Variants in INTS1 observed in about 807,000 individuals in gnomAD.
The protein encoded by INTS1 is integrator complex subunit 1.
INTS1 carries 137 observed loss-of-function variants against 241.6 expected under a neutral mutation model. That is an observed-to-expected ratio of 0.57 (90% confidence interval 0.49 to 0.65). The LOEUF is 0.65. Ranked by LOEUF, INTS1 falls within the 30% of genes least tolerant of loss-of-function variation. The pLI is 0.00. For synonymous variants in INTS1, 1,692 were observed against 1,337.8 expected (o/e 1.26, Z -5.78); for missense variants, 3,073 against 3,032.2 (o/e 1.01, Z -0.32).
In INTS1 at chr7:1,498,361, C is replaced by T. The variant is rs371447231; in HGVS notation, c.1425+51G>A. On this transcript the variant is annotated intron_variant, in intron 10 of 47. Coordinates refer to ENST00000404767, the MANE Select transcript of INTS1 (RefSeq NM_001080453.3). ...CCAGACGCCACGTGCCCCTCCAGCC[C>T]AGAGCCCCATATTCCGGCGTGGAGG... 5 of 1,605,688 alleles carry T rather than the reference C, an allele frequency of 3.1e-6. No homozygotes were observed. In the African/African-American group the frequency reaches 5.3e-5, roughly 17 times the overall value.
Position 1,471,095 on chromosome 7 carries a change from AGCGGTGGCGGCGGGACAGAGGCCG to A in INTS1, c.6347+14_6347+37del, listed in dbSNP as rs1260177632. ...GCGGTGACCTGGGTTAGCAGGGCCC[AGCGGTGGCGGCGGGACAGAGGCCG>A]GCGGTGGCCTCACCTGGGGCTGTTC... On this transcript the variant is annotated intron_variant, in intron 46 of 47. Coordinates refer to ENST00000404767, the MANE Select transcript of INTS1 (RefSeq NM_001080453.3). 6.5e-7 allele frequency: 1 copy of A among 1,539,092 alleles called. No individual in the cohort carries two copies. The highest frequency in any genetic ancestry group is 8.8e-7 in the Non-Finnish European group (1 of 1,137,812).
At chr7:1,486,382 G>A (rs1198740166) in intron 22 of INTS1, among the ~76,000 whole-genome samples, 1 of 151,664 alleles carries the variant, frequency 6.6e-6, no homozygotes, top group East Asian at 1.9e-4. Flanking sequence ...TCCTGCCTCA[G>A]CCTCCAGAGT....
chr7:1,470,402 C>T lies in INTS1; in HGVS notation c.*175G>A, dbSNP rs912916115. The T allele has an allele frequency of 4.9e-5, 26 of 529,284 alleles. No individual in the cohort carries two copies. Among genetic ancestry groups the T allele is most frequent in the African/African-American group, 8.0e-5 (4 of 49,944 alleles). 32.8% of individuals were successfully genotyped at this position (529,284 alleles called of 1,614,324 possible). A position where few individuals can be genotyped will look rare whatever the true frequency, so the allele number is the denominator to read the frequency against. The stretch of plus-strand genomic sequence containing the variant: ...CTGGACGGCCCCTGATGCCAGCGGC[C>T]GGCCCGGAGCCACCCCAGGGCTCGG... On this transcript the variant is annotated 3_prime_UTR_variant, in exon 48 of 48. Coordinates refer to ENST00000404767, the MANE Select transcript of INTS1 (RefSeq NM_001080453.3).
chr7:1,470,574 G>A lies in INTS1; in HGVS notation c.*3C>T. 1 of 1,551,368 alleles carries A rather than the reference G, an allele frequency of 6.4e-7. No homozygotes were observed. The highest frequency in any genetic ancestry group is 8.7e-7 in the Non-Finnish European group (1 of 1,148,252). ...GCTTGGAGGGGGGTCGGCTGCCACA[G>A]GCTCACATCACGGCCTCCATATGCA... On this transcript the variant is annotated 3_prime_UTR_variant, in exon 48 of 48. Transcript: ENST00000404767.
chr7:1,499,120 T>G lies in INTS1; in HGVS notation c.992A>C (p.Asp331Ala). ...CCGGTTCAGCTGGTCCCGCAGCATGTCCAGGACATACTCCTCCACGCTCTC... is the reference window on the plus strand; with the variant it reads ...CCGGTTCAGCTGGTCCCGCAGCATGGCCAGGACATACTCCTCCACGCTCTC... Reference protein sequence around the residue: ...LAESVEEYVLDMLRDQLNRRQ... With the variant: ...LAESVEEYVLAMLRDQLNRRQ... Residue 331 changes from aspartate (D) to alanine (A), a missense_variant, in exon 8 of 48, where the codon GAC becomes GCC. Coordinates refer to ENST00000404767, the MANE Select transcript of INTS1 (RefSeq NM_001080453.3). 2 of 1,611,682 alleles carry G rather than the reference T, an allele frequency of 1.2e-6. No individual in the cohort carries two copies. Among genetic ancestry groups the G allele is most frequent in the Non-Finnish European group, 8.5e-7 (1 of 1,179,636 alleles).
Position 1,471,648 on chromosome 7 carries a change from CAGAG to C in INTS1, c.6185-11_6185-8del, listed in dbSNP as rs60791229. On this transcript the variant is annotated splice_region_variant and splice_polypyrimidine_tract_variant and intron_variant, in intron 44 of 47. Coordinates refer to ENST00000404767, the MANE Select transcript of INTS1 (RefSeq NM_001080453.3). The stretch of plus-strand genomic sequence containing the variant: ...CTCAGAACCTCCAGCAGATCTGACA[CAGAG>C]AGAGGGCCAGACCAGAACTGAAGGG... The C allele has an allele frequency of 2.4e-3, 3,938 of 1,612,094 alleles. 93 individuals are homozygous for C. The African/African-American group carries it at 0.045, about 19-fold the overall frequency.
chr7:1,504,374 A>C lies in INTS1; in HGVS notation c.-93T>G. 1.2e-5 allele frequency: 6 copies of C among 482,846 alleles called. No individual in the cohort carries two copies. Among genetic ancestry groups the C allele is most frequent in the Non-Finnish European group, 2.0e-5 (5 of 245,980 alleles). The allele number at this position is 482,846 out of a possible 1,614,324, so 29.9% of individuals were successfully genotyped here. ...GCCGCCGCCACCCGGCCACCCCGGA[A>C]TCGGAAACCGATCTCACCGCCCTCG... On this transcript the variant is annotated 5_prime_UTR_variant, in exon 1 of 48. Coordinates refer to ENST00000404767, the MANE Select transcript of INTS1 (RefSeq NM_001080453.3).
chr7:1,492,325 G>A lies in INTS1; in HGVS notation c.2165+685C>T, dbSNP rs567253554. Among the ~76,000 whole-genome samples, 4 of 152,274 alleles carry A rather than the reference G, an allele frequency of 2.6e-5. No individual in the cohort carries two copies. In the South Asian group the frequency reaches 8.3e-4, roughly 32 times the overall value. ...GTGACCCCGGAAAGAGCATGCCCGG[G>A]GAAGGAGGCTGGTCACAAGATCATG... On this transcript the variant is annotated intron_variant, in intron 16 of 47. Coordinates refer to ENST00000404767, the MANE Select transcript of INTS1 (RefSeq NM_001080453.3).
In INTS1 at chr7:1,482,542, G is replaced by A. The variant is rs538881452; in HGVS notation, c.3703+4C>T. On this transcript the variant is annotated splice_donor_region_variant and intron_variant, in intron 27 of 47. Coordinates refer to ENST00000404767, the MANE Select transcript of INTS1 (RefSeq NM_001080453.3). Reference sequence around the variant, plus strand: ...CCCCTGCCCAAGCCCAGCCTGGACCGTACCGGCGTCCACCAGGCGGAGCAC... The same window carrying A: ...CCCCTGCCCAAGCCCAGCCTGGACCATACCGGCGTCCACCAGGCGGAGCAC... 3.4e-5 allele frequency: 55 copies of A among 1,604,894 alleles called. 1 individual carries two copies. Among genetic ancestry groups the A allele is most frequent in the African/African-American group, 3.2e-4 (24 of 74,878 alleles).
chr7:1,476,978 A>G lies in INTS1; in HGVS notation c.4939-60T>C, dbSNP rs2128534046. The stretch of plus-strand genomic sequence containing the variant: ...CTGGGCCAATGGCAGGCTCTGCTGA[A>G]GTCAGCTGACAGCTTCCCCAATGAG... On this transcript the variant is annotated intron_variant, in intron 35 of 47. Coordinates refer to ENST00000404767, the MANE Select transcript of INTS1 (RefSeq NM_001080453.3). 10 of 1,554,694 alleles carry G rather than the reference A, an allele frequency of 6.4e-6. No individual in the cohort carries two copies. In the South Asian group the frequency reaches 1.2e-4, roughly 18 times the overall value.
intron 26 of INTS1, chr7:1,483,270 C>A (rs1782082621): frequency 4.2e-6 from 1 of 238,838 alleles, no homozygotes; most frequent in East Asian, 1.0e-4. Flanking sequence ...AAGGCTGCGG[C>A]CGCAGAGGGC....
intron 17 of INTS1, 42 bp downstream of exon 17, chr7:1,489,549 G>A (rs376578610): frequency 2.9e-5 from 45 of 1,526,802 alleles, no homozygotes; most frequent in Non-Finnish European, 3.6e-5. Flanking sequence ...ATAAGGACCA[G>A]CAGGGCCACG....
intron 22 of INTS1, among the ~76,000 whole-genome samples, chr7:1,486,111 G>A (rs1195836331): frequency 6.6e-6 from 1 of 151,336 alleles, no homozygotes; most frequent in Admixed American, 6.6e-5. Context: ...AATTTTTTCA[G>A]TTTTTGTAGA....
At position 1,470,906 on chromosome 7, in the gene INTS1, C is replaced by A. The variant is rs543370673; in HGVS notation, c.6397G>T (p.Asp2133Tyr). 1.3e-6 allele frequency: 2 copies of A among 1,590,328 alleles called. No individual in the cohort carries two copies. The highest frequency in any genetic ancestry group is 1.1e-5 in the South Asian group (1 of 87,620). ...PTFMYCLGSQ[D>Y]FEVVQTALRN... ...AGGGCCGTCTGCACCACCTCAAAGT[C>A]CTGGCTGCCCAGGCAGTACATGAAC... is the stretch of plus-strand genomic sequence containing the variant. The change falls in exon 47 of 48, where the codon GAC (aspartate) becomes TAC (tyrosine). Residue 2133 changes from aspartate to tyrosine, a missense_variant. Transcript: ENST00000404767.
intron 13 of INTS1, among the ~76,000 whole-genome samples, chr7:1,495,170 C>CA (rs1411320869): frequency 6.6e-6 from 1 of 152,208 alleles, no homozygotes; most frequent in Non-Finnish European, 1.5e-5. Flanking sequence ...AGCCCCACCC[C>CA]AACCAAGGCA....
chr7:1,471,642 C>A lies in INTS1; in HGVS notation c.6185-1G>T. On this transcript the variant is annotated splice_acceptor_variant, in intron 44 of 47. Coordinates refer to ENST00000404767, the MANE Select transcript of INTS1 (RefSeq NM_001080453.3). LOFTEE classifies it high-confidence loss of function. ...ATGTCACTCAGAACCTCCAGCAGAT[C>A]TGACACAGAGAGAGGGCCAGACCAG... is the stretch of plus-strand genomic sequence containing the variant. 6.2e-7 allele frequency: 1 copy of A among 1,612,106 alleles called. No homozygotes were observed. Among genetic ancestry groups the A allele is most frequent in the Non-Finnish European group, 8.5e-7 (1 of 1,179,756 alleles).
intron 6 of INTS1, 54 bp from the exon 7 acceptor site, chr7:1,499,414 A>T (rs1177239132): frequency 4.4e-6 from 1 of 227,206 alleles, no homozygotes; most frequent in African/African-American, 9.6e-5. Context: ...CCATCCTCCC[A>T]CCCCTCCCCT....
At chr7:1,483,208 A>G (rs1016662183) in intron 26 of INTS1, 1 of 219,514 alleles carries the variant, frequency 4.6e-6, no homozygotes, top group African/African-American at 2.3e-5. Context: ...ACTGACAGAC[A>G]CAACGGGGTG....
chr7:1,495,003 G>C, intron 13 of INTS1, 110 bp from the exon 14 acceptor site: 1 of 1,300,816 alleles, frequency 7.7e-7, no homozygotes, highest in Non-Finnish European at 1.1e-6. Flanking sequence ...TCAGAGGCCG[G>C]GCTGCCTGGT....
Sources: gnomAD v4.1 joint callset for allele counts (sites outside exome capture counted in the v4.1 genomes callset) on GRCh38, gnomAD v4.1.1 for gene constraint, MANE v1.5 for transcripts, NCBI Gene and HGNC (gene_info 2026-07-23, HGNC 2026-07-21) for gene names.